FGGY: variants seen among roughly 807,000 people sequenced by gnomAD.
FGGY encodes FGGY carbohydrate kinase domain-containing protein.
FGGY carries 72 observed loss-of-function variants against 71.3 expected under a neutral mutation model. The ratio of observed to expected loss-of-function variants is 1.01; its 90% CI spans 0.84 to 1.23. The LOEUF (loss-of-function observed/expected upper bound fraction) is 1.23, where lower values mean the gene tolerates loss of function less well. Among genes scored for constraint, FGGY ranks in the 50% most tolerant of loss-of-function variants. FGGY has a pLI of 0.00. For synonymous variants in FGGY, 251 were observed against 250.3 expected, an observed-to-expected ratio of 1.00 and a Z score of -0.02; for missense variants, 668 against 682.3, an observed-to-expected ratio of 0.98 and a Z score of 0.23.
At chr1:59,652,829 CT>C (rs2097177921) in intron 11 of FGGY, among the ~76,000 whole-genome samples, 1 of 152,206 alleles carries the variant, frequency 6.6e-6, no homozygotes, top group Admixed American at 6.5e-5. Flanking sequence ...GAGAGACGCT[CT>C]GCGTTTTAGA....
chr1:59,741,273 A>G (rs2098144437), intron 14 of FGGY, among the ~76,000 whole-genome samples: 1 of 152,016 alleles, frequency 6.6e-6, no homozygotes, highest in Non-Finnish European at 1.5e-5. Flanking sequence ...AGGTGATTGG[A>G]TTTTGGGGGT....
chr1:59,330,460 T>C (rs1306389711), intron 2 of FGGY, among the ~76,000 whole-genome samples: 1 of 150,994 alleles, frequency 6.6e-6, no homozygotes, highest in Non-Finnish European at 1.5e-5. Flanking sequence ...TCCCAACTAC[T>C]GAGGAGGCTG....
At chr1:59,361,464 G>A (rs990857548) in intron 4 of FGGY, among the ~76,000 whole-genome samples, 3 of 152,166 alleles carry the variant, frequency 2.0e-5, no homozygotes, top group Admixed American at 1.3e-4. Context: ...AGCAGTTGAG[G>A]TGAGGCAGTT....
At chr1:59,579,252 A>G (rs1459667688) in intron 8 of FGGY, among the ~76,000 whole-genome samples, 3 of 151,948 alleles carry the variant, frequency 2.0e-5, no homozygotes, top group Non-Finnish European at 2.9e-5. Context: ...CAGTTTCTAA[A>G]TTTTGGAAGG....
At chr1:59,523,958 C>A (rs945143932) in intron 7 of FGGY, among the ~76,000 whole-genome samples, 1 of 152,224 alleles carries the variant, frequency 6.6e-6, no homozygotes, top group Non-Finnish European at 1.5e-5. Context: ...GGAGCCCTGT[C>A]CCCTACCAAG....
At chr1:59,476,916 C>T (rs987545605) in intron 6 of FGGY, among the ~76,000 whole-genome samples, 11 of 152,208 alleles carry the variant, frequency 7.2e-5, no homozygotes, top group African/African-American at 2.7e-4. Flanking sequence ...ATCTCGGCTC[C>T]TCTGAAATTC....
chr1:59,664,471 G>A (rs1284292714), intron 12 of FGGY, among the ~76,000 whole-genome samples: 3 of 152,220 alleles, frequency 2.0e-5, no homozygotes, highest in Admixed American at 6.5e-5. Context: ...CCCAGGAAAT[G>A]TGCTTTGTTT....
At chr1:59,480,458 TC>T (rs554826955) in intron 6 of FGGY, among the ~76,000 whole-genome samples, 56 of 152,308 alleles carry the variant, frequency 3.7e-4, no homozygotes, top group African/African-American at 1.2e-3. Context: ...CAGTGTTAAC[TC>T]TGAAACCTCA....
chr1:59,324,311 C>T (rs2046957746), intron 2 of FGGY, among the ~76,000 whole-genome samples: 1 of 110,742 alleles, frequency 9.0e-6, no homozygotes, highest in South Asian at 3.3e-4. Flanking sequence ...GAGTCTCGCT[C>T]TGTCGCCCAG....
intron 5 of FGGY, among the ~76,000 whole-genome samples, chr1:59,453,437 C>A (rs1191272934): frequency 1.3e-5 from 2 of 152,144 alleles, no homozygotes; most frequent in African/African-American, 4.8e-5. Context: ...GAACCACAAC[C>A]AATGCTTGTT....
rs1166798113 is a variant in FGGY, at chr1:59,398,935, G to C, written c.554+20098G>C. Among the ~76,000 whole-genome samples the C allele has an allele frequency of 2.0e-5, 3 of 152,150 alleles. No homozygotes were observed. In the East Asian group the frequency reaches 5.8e-4, roughly 29 times the overall value. ...AAACATGTTTGTGGCAATGTATGTG[G>C]CTTCAAAATGTGGATGTATCATTAT... On this transcript the variant is annotated intron_variant, in intron 5 of 15. Coordinates refer to ENST00000303721, the MANE Select transcript of FGGY (RefSeq NM_018291.5).
intron 14 of FGGY, among the ~76,000 whole-genome samples, chr1:59,740,883 T>A (rs914940439): frequency 5.3e-5 from 8 of 152,312 alleles, no homozygotes; most frequent in South Asian, 4.1e-4. Context: ...CTAGTCCAAA[T>A]TGCAATATGT....
intron 1 of FGGY, among the ~76,000 whole-genome samples, chr1:59,299,177 G>T (rs1026713742): frequency 6.6e-6 from 1 of 152,066 alleles, no homozygotes; most frequent in African/African-American, 2.4e-5. Context: ...GTATGAGTGG[G>T]CTGGAGAAAG....
At chr1:59,365,113 T>C (rs547818399) in intron 4 of FGGY, among the ~76,000 whole-genome samples, 1 of 152,300 alleles carries the variant, frequency 6.6e-6, no homozygotes, top group East Asian at 1.9e-4. Context: ...GAGGAGAGTT[T>C]GAATTGGAGT....
At chr1:59,360,640 G>A (rs1237693423) in intron 4 of FGGY, among the ~76,000 whole-genome samples, 2 of 152,142 alleles carry the variant, frequency 1.3e-5, no homozygotes. Flanking sequence ...GCAGAATGCT[G>A]GTGGTATTGA....
intron 4 of FGGY, among the ~76,000 whole-genome samples, chr1:59,361,651 C>A (rs1281298979): frequency 1.3e-5 from 2 of 152,072 alleles, no homozygotes; most frequent in Non-Finnish European, 2.9e-5. Context: ...TGAAGGGGGA[C>A]CTCATGGGAT....
chr1:59,401,909 A>G (rs1007532640), intron 5 of FGGY, among the ~76,000 whole-genome samples: 4 of 152,196 alleles, frequency 2.6e-5, no homozygotes, highest in African/African-American at 9.7e-5. Context: ...GTGGGGCCTC[A>G]GAGAGGTGCA....
At chr1:59,599,214 C>T (rs951008853) in intron 8 of FGGY, among the ~76,000 whole-genome samples, 2 of 152,008 alleles carry the variant, frequency 1.3e-5, no homozygotes, top group East Asian at 3.9e-4. Flanking sequence ...AGTGATTCTC[C>T]TGCTTCAGCC....
chr1:59,579,763 A>C (rs1227623526), intron 8 of FGGY, among the ~76,000 whole-genome samples: 6 of 152,192 alleles, frequency 3.9e-5, no homozygotes, highest in Admixed American at 3.3e-4. Context: ...TTCTCACAGC[A>C]GCCAGGGTGG....
Sources: allele counts gnomAD v4.1 joint callset (sites outside exome capture counted in the v4.1 genomes callset), GRCh38; gene constraint gnomAD v4.1.1; transcripts MANE v1.5; gene names NCBI Gene and HGNC (gene_info 2026-07-23, HGNC 2026-07-21).